Variants in CHL1 observed in about 807,000 individuals in gnomAD.
CHL1 encodes the protein neural cell adhesion molecule L1-like protein.
CHL1 carries 96 observed loss-of-function variants against 141.9 expected under a neutral mutation model. That is an observed-to-expected ratio of 0.68 (90% CI 0.57 to 0.80). The LOEUF (loss-of-function observed/expected upper bound fraction) is 0.80, where lower values mean the gene tolerates loss of function less well. Ranked by LOEUF, CHL1 falls within the 30% of genes least tolerant of loss-of-function variation. The probability of loss-of-function intolerance (pLI) is 0.00; values close to 1 mark genes in which losing one functional copy is unlikely to be tolerated. For synonymous variants in CHL1, 613 were observed against 502.2 expected, an observed-to-expected ratio of 1.22 and a Z score of -2.95; for missense variants, 1,820 against 1,457.2, an observed-to-expected ratio of 1.25 and a Z score of -4.05.
chr3:209,231 G>A lies in CHL1; in HGVS notation c.-175+12168G>A, dbSNP rs1575603182. Among the ~76,000 whole-genome samples, 5 of 152,280 alleles carry A rather than the reference G, an allele frequency of 3.3e-5. No individual in the cohort carries two copies. The East Asian group carries it at 5.8e-4, about 18-fold the overall frequency. On this transcript the variant is annotated intron_variant, in intron 1 of 27. Transcript: ENST00000256509. ...TCTTAATTTAGAACCATTCTAATAT[G>A]CATAATTATATTATTTCAGCAGATG...
intron 19 of CHL1, among the ~76,000 whole-genome samples, chr3:388,889 C>T (rs1454741674): frequency 6.6e-6 from 1 of 152,184 alleles, no homozygotes; most frequent in African/African-American, 2.4e-5. Flanking sequence ...TCAGCCTGTT[C>T]TTTGAAAATG....
intron 15 of CHL1, among the ~76,000 whole-genome samples, chr3:371,244 C>G (rs2125325585): frequency 6.6e-6 from 1 of 152,224 alleles, no homozygotes; most frequent in Non-Finnish European, 1.5e-5. Flanking sequence ...GTCTCAGTGT[C>G]TTTGTATGTG....
chr3:327,653 A>G (rs1701118961), intron 4 of CHL1, among the ~76,000 whole-genome samples: 1 of 152,000 alleles, frequency 6.6e-6, no homozygotes, highest in Non-Finnish European at 1.5e-5. Context: ...TAATGTAGCT[A>G]TAAAAATTGT....
chr3:327,784 CT>C (rs1245208956), intron 4 of CHL1, among the ~76,000 whole-genome samples: 1 of 151,820 alleles, frequency 6.6e-6, no homozygotes, highest in Non-Finnish European at 1.5e-5. Flanking sequence ...TGTAATAATA[CT>C]GGGCTTATCT....
At chr3:222,469 A>G (rs1487514798) in intron 1 of CHL1, among the ~76,000 whole-genome samples, 1 of 152,194 alleles carries the variant, frequency 6.6e-6, no homozygotes, top group Non-Finnish European at 1.5e-5. Context: ...TAATTACCCA[A>G]TCAAACCCAA....
At chr3:232,960 A>G (rs1701997738) in intron 1 of CHL1, among the ~76,000 whole-genome samples, 1 of 151,370 alleles carries the variant, frequency 6.6e-6, no homozygotes, top group African/African-American at 2.4e-5. Context: ...TTAGAGCTGG[A>G]CTCAAACCAT....
At chr3:373,101 A>G (rs916459829) in intron 15 of CHL1, among the ~76,000 whole-genome samples, 1 of 152,232 alleles carries the variant, frequency 6.6e-6, no homozygotes, top group African/African-American at 2.4e-5. Context: ...GGGGAATAGG[A>G]CCCATCTAAT....
intron 26 of CHL1, among the ~76,000 whole-genome samples, chr3:400,900 C>CTTTTTT (rs71058770): frequency 1.1e-4 from 12 of 112,452 alleles, no homozygotes; most frequent in East Asian, 2.8e-4. Context: ...AAATGACTGC[C>CTTTTTT]TTTTTTTTTT....
At chr3:329,588 A>T (rs1701283133) in intron 5 of CHL1, among the ~76,000 whole-genome samples, 1 of 151,932 alleles carries the variant, frequency 6.6e-6, no homozygotes, top group South Asian at 2.1e-4. Flanking sequence ...AGGAGAGAAA[A>T]AAAGTAAGAC....
At chr3:395,366 G>A (rs775786731) in intron 24 of CHL1, among the ~76,000 whole-genome samples, 1 of 152,160 alleles carries the variant, frequency 6.6e-6, no homozygotes, top group Non-Finnish European at 1.5e-5. Flanking sequence ...AACTGTCTGG[G>A]AAATGGCTTA....
chr3:340,789 A>T lies in CHL1; in HGVS notation c.386-5A>T. 1 of 1,602,732 alleles carries T rather than the reference A, an allele frequency of 6.2e-7. No homozygotes were observed. The highest frequency in any genetic ancestry group is 8.5e-7 in the Non-Finnish European group (1 of 1,171,876). ...ATAACACATTAAAATGATTTTTTAC[A>T]CCAGGTGTTCCAAAATTCCCAAAAG... On this transcript the variant is annotated splice_region_variant and splice_polypyrimidine_tract_variant and intron_variant, in intron 5 of 27. Coordinates refer to ENST00000256509, the MANE Select transcript of CHL1 (RefSeq NM_006614.4).
intron 10 of CHL1, among the ~76,000 whole-genome samples, chr3:351,397 G>A (rs1703243844): frequency 6.6e-6 from 1 of 152,134 alleles, no homozygotes; most frequent in South Asian, 2.1e-4. Flanking sequence ...TGTTTTTGAA[G>A]TTTCTCTTTA....
intron 15 of CHL1, among the ~76,000 whole-genome samples, chr3:376,234 C>A (rs1706296347): frequency 1.3e-5 from 2 of 152,186 alleles, no homozygotes; most frequent in Non-Finnish European, 2.9e-5. Flanking sequence ...CTGTCTGTTA[C>A]TGCAGCACAC....
chr3:387,755 C>T (rs1028724168), intron 19 of CHL1, among the ~76,000 whole-genome samples: 1 of 152,168 alleles, frequency 6.6e-6, no homozygotes, highest in Non-Finnish European at 1.5e-5. Context: ...ATTTCACACT[C>T]TAAAATATCT....
chr3:236,935 G>A (rs928094691), intron 1 of CHL1, among the ~76,000 whole-genome samples: 9 of 151,820 alleles, frequency 5.9e-5, no homozygotes, highest in East Asian at 5.8e-4. Flanking sequence ...TTCTCATGTC[G>A]TGGATAAGGA....
intron 22 of CHL1, 74 bp from the exon 23 acceptor site, chr3:391,576 TGAGTTTGCTTGTCAATTTCTATAAA>T: frequency 2.6e-6 from 2 of 759,662 alleles, no homozygotes; most frequent in Non-Finnish European, 4.3e-6. Context: ...TTACTTCAGA[TGAGTTTGCTTGTCAATTTCTATAAA>T]ATTTATAATA....
chr3:204,974 A>G (rs1222193766), intron 1 of CHL1, among the ~76,000 whole-genome samples: 1 of 152,226 alleles, frequency 6.6e-6, no homozygotes, highest in African/African-American at 2.4e-5. Context: ...TAGCTTTACC[A>G]CTATTCCACC....
chr3:387,786 A>T (rs950867818), intron 19 of CHL1, among the ~76,000 whole-genome samples: 1 of 152,210 alleles, frequency 6.6e-6, no homozygotes, highest in African/African-American at 2.4e-5. Context: ...CTTTCCAATG[A>T]ATCCAAGTAT....
chr3:372,552 C>T (rs77775473), intron 15 of CHL1, among the ~76,000 whole-genome samples: 3,808 of 152,212 alleles, frequency 0.025, 111 homozygotes, highest in African/African-American at 0.072. Flanking sequence ...TGGGTTAGAA[C>T]ATTCTCCTTT....
Sources: gnomAD v4.1 joint callset for allele counts (sites outside exome capture counted in the v4.1 genomes callset) on GRCh38, gnomAD v4.1.1 for gene constraint, MANE v1.5 for transcripts, NCBI Gene and HGNC (gene_info 2026-07-23, HGNC 2026-07-21) for gene names.